Variants in LRP1B observed in about 807,000 individuals in gnomAD.
The protein encoded by LRP1B is low-density lipoprotein receptor-related protein 1B.
LRP1B carries 217 observed loss-of-function variants against 556.6 expected under a neutral mutation model. The ratio of observed to expected loss-of-function variants is 0.39; its 90% CI spans 0.35 to 0.44. LRP1B has a LOEUF of 0.44. LRP1B is among the 20% of genes least tolerant of loss of function. The pLI is 1.00. For synonymous variants in LRP1B, 2,047 were observed against 1,865.8 expected, an observed-to-expected ratio of 1.10 and a Z score of -2.50; for missense variants, 5,053 against 5,620.8, an observed-to-expected ratio of 0.90 and a Z score of 3.23.
chr2:140,552,796 A>G (rs570673493), intron 43 of LRP1B, among the ~76,000 whole-genome samples: 4 of 152,236 alleles, frequency 2.6e-5, no homozygotes, highest in African/African-American at 9.6e-5. Flanking sequence ...TCTTCACAAA[A>G]CACATTTCTT....
chr2:140,429,471 G>C (rs1336491413), intron 66 of LRP1B, among the ~76,000 whole-genome samples: 2 of 152,000 alleles, frequency 1.3e-5, no homozygotes, highest in East Asian at 3.9e-4. Context: ...CACCCATCAG[G>C]GTCAGCAAAT....
At chr2:141,946,338 T>C (rs1271568315) in intron 1 of LRP1B, among the ~76,000 whole-genome samples, 1 of 152,130 alleles carries the variant, frequency 6.6e-6, no homozygotes, top group Non-Finnish European at 1.5e-5. Flanking sequence ...TAGAGAAATT[T>C]TAGTGATAAA....
In LRP1B at chr2:140,858,370, C is replaced by T. The variant is rs143901232; in HGVS notation, c.4580-6587G>A. The stretch of plus-strand genomic sequence containing the variant: ...ATATGAAATAAAGAGATGCTAGATA[C>T]GAGTTAACAGTGAGGAGAACAATAC... On this transcript the variant is annotated intron_variant, in intron 27 of 90. Transcript: ENST00000389484. Among the ~76,000 whole-genome samples the T allele has an allele frequency of 8.4e-3, 1,277 of 151,636 alleles. 22 individuals carry two copies. Among genetic ancestry groups the T allele is most frequent in the African/African-American group, 0.028 (1,142 of 41,344 alleles).
At chr2:142,069,413 T>G (rs1705229697) in intron 1 of LRP1B, among the ~76,000 whole-genome samples, 1 of 151,574 alleles carries the variant, frequency 6.6e-6, no homozygotes, top group South Asian at 2.1e-4. Context: ...TTCCTCTGCC[T>G]TATACAGGAA....
At chr2:140,782,557 C>G (rs1573711735) in intron 32 of LRP1B, among the ~76,000 whole-genome samples, 1 of 152,158 alleles carries the variant, frequency 6.6e-6, no homozygotes, top group South Asian at 2.1e-4. Context: ...AAACCAACTT[C>G]TGTCAAGCCA....
intron 31 of LRP1B, among the ~76,000 whole-genome samples, chr2:140,839,735 T>C (rs1239389719): frequency 6.6e-6 from 1 of 152,182 alleles, no homozygotes; most frequent in South Asian, 2.1e-4. Context: ...GGACTTCACC[T>C]TGTGATCCTG....
intron 1 of LRP1B, among the ~76,000 whole-genome samples, chr2:142,049,273 G>C (rs962564209): frequency 6.6e-6 from 1 of 152,060 alleles, no homozygotes; most frequent in African/African-American, 2.4e-5. Flanking sequence ...TTTTCTGCTA[G>C]CACAGAGATT....
rs187670584 is a variant in LRP1B, at chr2:142,104,411, G to A, written c.82+26237C>T. ...GCAGTCTTTATTCCTTTTGCAGAGG[G>A]GTTTATTGTGCTGTTTGGCATGAAG... On this transcript the variant is annotated intron_variant, in intron 1 of 90. Coordinates refer to ENST00000389484, the MANE Select transcript of LRP1B (RefSeq NM_018557.3). Among the ~76,000 whole-genome samples the A allele has an allele frequency of 5.8e-3, 881 of 152,142 alleles. 6 individuals are homozygous for A. Among genetic ancestry groups the A allele is most frequent in the Non-Finnish European group, 0.01 (695 of 67,988 alleles).
At chr2:141,350,302 G>C (rs536680062) in intron 3 of LRP1B, among the ~76,000 whole-genome samples, 1 of 152,068 alleles carries the variant, frequency 6.6e-6, no homozygotes, top group East Asian at 1.9e-4. Context: ...AAAGGCCAGG[G>C]TTACCAAAAT....
At chr2:141,514,238 C>G (rs763354941) in intron 2 of LRP1B, among the ~76,000 whole-genome samples, 4 of 152,172 alleles carry the variant, frequency 2.6e-5, no homozygotes, top group Non-Finnish European at 4.4e-5. Context: ...CCTGCTTGCT[C>G]TAAACCTACC....
At chr2:140,296,093 T>C (rs1314425839) in intron 84 of LRP1B, among the ~76,000 whole-genome samples, 1 of 152,144 alleles carries the variant, frequency 6.6e-6, no homozygotes, top group Non-Finnish European at 1.5e-5. Context: ...AGATTGAGCA[T>C]CTCTAATTGG....
chr2:140,663,304 T>C (rs1362570800), intron 41 of LRP1B, among the ~76,000 whole-genome samples: 1 of 152,144 alleles, frequency 6.6e-6, no homozygotes. Flanking sequence ...TCATCGAGTA[T>C]TCACCATAGT....
rs1321976263 is a variant in LRP1B at position 141,423,290 on chromosome 2, C to CCTTTTTTT, written c.343+57105_343+57106insAAAAAAAG. ...CCCTCTCACTAGGCAACAGCCAGAGCTTTTTTTTTTTTTTTTTTTTTTTTT... is the reference window on the plus strand; with the variant it reads ...CCCTCTCACTAGGCAACAGCCAGAGCCTTTTTTTTTTTTTTTTTTTTTTTTTTTTTTTT... On this transcript the variant is annotated intron_variant, in intron 3 of 90. Transcript: ENST00000389484. 1.0e-4 allele frequency among the ~76,000 whole-genome samples: 7 copies of CCTTTTTTT among 68,374 alleles called. 3 individuals carry two copies. The highest frequency in any genetic ancestry group is 1.5e-4 in the Non-Finnish European group (5 of 33,616). The allele number at this position is 68,374 out of a possible 152,430, so 44.9% of individuals were successfully genotyped here.
At chr2:140,721,539 T>A (rs1429014999) in intron 35 of LRP1B, among the ~76,000 whole-genome samples, 3 of 14,142 alleles carry the variant, frequency 2.1e-4, no homozygotes, top group South Asian at 3.2e-3. Context: ...AGATGCACTT[T>A]TTTTTTTTTT....
At chr2:141,207,829 C>T (rs1179461268) in intron 6 of LRP1B, among the ~76,000 whole-genome samples, 1 of 152,148 alleles carries the variant, frequency 6.6e-6, no homozygotes, top group Non-Finnish European at 1.5e-5. Context: ...GCACCCGCCA[C>T]CACGCCTGGC....
At chr2:141,042,811 TAA>T (rs142885649) in intron 11 of LRP1B, among the ~76,000 whole-genome samples, 2,810 of 152,066 alleles carry the variant, frequency 0.018, 123 homozygotes, top group East Asian at 0.18. Flanking sequence ...AGTCTAAAAT[TAA>T]AAGGATACAT....
At chr2:141,507,307 C>A (rs942060837) in intron 2 of LRP1B, among the ~76,000 whole-genome samples, 1 of 152,034 alleles carries the variant, frequency 6.6e-6, no homozygotes, top group East Asian at 1.9e-4. Context: ...GTTGTCATTA[C>A]TTGTTTAGCA....
At chr2:140,605,606 C>A (rs550942365) in intron 41 of LRP1B, among the ~76,000 whole-genome samples, 2 of 142,880 alleles carry the variant, frequency 1.4e-5, no homozygotes, top group South Asian at 4.4e-4. Flanking sequence ...CTCTTTCTTT[C>A]TCTCTCTTCT....
intron 1 of LRP1B, among the ~76,000 whole-genome samples, chr2:141,850,282 C>T (rs1217271354): frequency 1.3e-5 from 2 of 151,532 alleles, no homozygotes; most frequent in African/African-American, 4.8e-5. Context: ...TGGTACTTAG[C>T]AAAACAATCT....
Sources: gnomAD v4.1 joint callset for allele counts (sites outside exome capture counted in the v4.1 genomes callset) on GRCh38, gnomAD v4.1.1 for gene constraint, MANE v1.5 for transcripts, NCBI Gene and HGNC (gene_info 2026-07-23, HGNC 2026-07-21) for gene names.